Variants in FHAD1 observed in about 807,000 individuals in gnomAD.
The protein encoded by FHAD1 is forkhead-associated domain-containing protein 1.
A neutral mutation model predicts 191.3 loss-of-function variants in FHAD1; 146 were observed. The ratio of observed to expected loss-of-function variants is 0.76; its 90% CI spans 0.67 to 0.88. The LOEUF is 0.88. FHAD1 is among the 40% of genes least tolerant of loss of function. The pLI is 0.00. For missense variants in FHAD1, 1,635 were observed against 1,785.8 expected (o/e 0.92, Z 1.52); for synonymous variants, 616 against 672.3 (o/e 0.92, Z 1.29).
rs917795610 is a variant in FHAD1, at chr1:15,276,744, A to G, written c.300+4215A>G. 3.3e-5 allele frequency among the ~76,000 whole-genome samples: 5 copies of G among 152,002 alleles called. No individual in the cohort carries two copies. Among genetic ancestry groups the G allele is most frequent in the African/African-American group, 1.2e-4 (5 of 41,368 alleles). Reference sequence around the variant, plus strand: ...TTGAACCCGGGAGGCAGAGGTTGCAATGAGCGAAGATCATGCCACAGCCTG... The same window carrying G: ...TTGAACCCGGGAGGCAGAGGTTGCAGTGAGCGAAGATCATGCCACAGCCTG... On this transcript the variant is annotated intron_variant, in intron 3 of 33. Transcript: ENST00000688493. This position sits in a 1 kb window ranked among gnomAD's most constrained non-coding sequence, Gnocchi z 4.7.
At position 15,324,445 on chromosome 1, in the gene FHAD1, A is replaced by C; in HGVS notation, c.1366-7A>C. On this transcript the variant is annotated splice_region_variant and splice_polypyrimidine_tract_variant and intron_variant, in intron 10 of 33. Coordinates refer to ENST00000688493, the MANE Select transcript of FHAD1 (RefSeq NM_001391957.1). The stretch of plus-strand genomic sequence containing the variant: ...GCAGCAAGTACTCGCTTTCATCGTC[A>C]TTTCAGGTTGAAGAGAAGCTTCAGG... 1 of 1,547,194 alleles carries C rather than the reference A, an allele frequency of 6.5e-7. No homozygotes were observed. The highest frequency in any genetic ancestry group is 8.8e-7 in the Non-Finnish European group (1 of 1,142,460).
Position 15,331,557 on chromosome 1 carries a change from T to TGGGTGGATGGATGGGAGGAA in FHAD1, c.1906+2023_1906+2042dup, listed in dbSNP as rs1574435219. On this transcript the variant is annotated intron_variant, in intron 14 of 33. Coordinates refer to ENST00000688493, the MANE Select transcript of FHAD1 (RefSeq NM_001391957.1). ...AAGGATGGATGGAAGTGTGGGTGGG[T>TGGGTGGATGGATGGGAGGAA]GGGTGGATGGATGGGAGGAAGGGTG... Among the ~76,000 whole-genome samples the TGGGTGGATGGATGGGAGGAA allele has an allele frequency of 1.5e-4, 3 of 19,656 alleles. No individual in the cohort carries two copies. In the East Asian group the frequency reaches 5.0e-3, roughly 33 times the overall value. 12.9% of individuals were successfully genotyped at this position (19,656 alleles called of 152,430 possible).
At chr1:15,247,432 C>A (rs991713034) in intron 1 of FHAD1, 37 bp downstream of exon 1, 2 of 185,208 alleles carry the variant, frequency 1.1e-5, no homozygotes, top group South Asian at 6.1e-5. Context: ...GGGCCGAGAC[C>A]GGGGACCGGA....
intron 1 of FHAD1, among the ~76,000 whole-genome samples, chr1:15,248,284 C>T (rs2100708598): frequency 6.6e-6 from 1 of 152,274 alleles, no homozygotes; most frequent in Non-Finnish European, 1.5e-5. Context: ...GATTTTTACA[C>T]TACTTGCAAG....
intron 1 of FHAD1, among the ~76,000 whole-genome samples, chr1:15,237,605 T>TG (rs1305402968): frequency 6.6e-6 from 1 of 152,050 alleles, no homozygotes; most frequent in Non-Finnish European, 1.5e-5. Context: ...AACATTACTG[T>TG]CCCCCTTGTT....
intron 23 of FHAD1, among the ~76,000 whole-genome samples, chr1:15,363,574 G>A (rs1177045025): frequency 1.3e-5 from 2 of 152,180 alleles, no homozygotes; most frequent in Non-Finnish European, 2.9e-5. Context: ...TAGTTTTCCC[G>A]AGGATCAGCT....
intron 8 of FHAD1, chr1:15,314,412 T>C (rs780853047): frequency 2.6e-5 from 4 of 152,174 alleles, no homozygotes; most frequent in Non-Finnish European, 5.9e-5. Context: ...GCTTTTGTTA[T>C]AACTGATGTG....
chr1:15,344,264 G>A (rs994409076), intron 16 of FHAD1, among the ~76,000 whole-genome samples: 2 of 152,178 alleles, frequency 1.3e-5, no homozygotes, highest in Non-Finnish European at 2.9e-5. Flanking sequence ...TGCCCTTTCC[G>A]AAAATACATG....
chr1:15,304,953 C>T (rs982825259), intron 6 of FHAD1, among the ~76,000 whole-genome samples: 1 of 87,156 alleles, frequency 1.1e-5, no homozygotes, highest in Non-Finnish European at 3.0e-5. Flanking sequence ...TCTGCATTGT[C>T]GGGGTCCCCC....
At position 15,374,252 on chromosome 1, in the gene FHAD1, C is replaced by T. The variant is rs146695421; in HGVS notation, c.3448-250C>T. 3.7e-3 allele frequency among the ~76,000 whole-genome samples: 566 copies of T among 152,194 alleles called. 4 individuals are homozygous for T. The highest frequency in any genetic ancestry group is 0.013 in the African/African-American group (520 of 41,528). ...AACAGTATTAGAAGAAAAAATAAAA[C>T]GTGGAGAGGGAACGTGGAGGGGCTT... On this transcript the variant is annotated intron_variant, in intron 26 of 33. Coordinates refer to ENST00000688493, the MANE Select transcript of FHAD1 (RefSeq NM_001391957.1).
At chr1:15,271,674 A>G (rs553136004) in intron 2 of FHAD1, among the ~76,000 whole-genome samples, 1 of 152,108 alleles carries the variant, frequency 6.6e-6, no homozygotes, top group African/African-American at 2.4e-5. Context: ...TTATAAAACT[A>G]TGTATGTAGG....
rs976656704 is a variant in FHAD1, at chr1:15,301,423, C to T, written c.897C>T (p.Ile299=). 3 of 1,551,578 alleles carry T rather than the reference C, an allele frequency of 1.9e-6. No individual in the cohort carries two copies. The African/African-American group carries it at 4.1e-5, about 21-fold the overall frequency. The change falls in exon 6 of 34, where the codon ATC becomes ATT. Residue 299 remains isoleucine, a synonymous_variant. Coordinates refer to ENST00000688493, the MANE Select transcript of FHAD1 (RefSeq NM_001391957.1). ...ACATCGATGCCAAACAGAAAGAGAT[C>T]CAGAGCTTGAAAAGCCAGGTAGGCA... is the stretch of plus-strand genomic sequence containing the variant. ...DEDIDAKQKE[I]QSLKSQISAL...
intron 3 of FHAD1, among the ~76,000 whole-genome samples, chr1:15,283,102 G>A (rs746704284): frequency 2.0e-5 from 3 of 152,212 alleles, no homozygotes; most frequent in East Asian, 1.9e-4. Context: ...ACACAGAAAC[G>A]AAGGGGTGGT....
chr1:15,297,203 G>C (rs181163310), intron 5 of FHAD1, among the ~76,000 whole-genome samples: 1 of 152,324 alleles, frequency 6.6e-6, no homozygotes, highest in Admixed American at 6.5e-5. Context: ...GGAAGTGAGA[G>C]CTGAGGTCAG....
At chr1:15,273,907 A>C (rs12059413) in intron 3 of FHAD1, among the ~76,000 whole-genome samples, 88,976 of 151,752 alleles carry the variant, frequency 0.59, 26,502 homozygotes, top group East Asian at 0.89. Flanking sequence ...TTGCCCTCTC[A>C]CCCTAGCCTC....
Position 15,276,903 on chromosome 1 carries a change from A to G in FHAD1, c.300+4374A>G, listed in dbSNP as rs1175460841. Among the ~76,000 whole-genome samples the G allele has an allele frequency of 6.6e-6, 1 of 151,304 alleles. No individual in the cohort carries two copies. The highest frequency in any genetic ancestry group is 1.5e-5 in the Non-Finnish European group (1 of 67,798). ...TGGAGTTGTGCGAGGCATAACCTAC[A>G]GGGCCATTTGCGATGCCCTGAAGCA... On this transcript the variant is annotated intron_variant, in intron 3 of 33. Coordinates refer to ENST00000688493, the MANE Select transcript of FHAD1 (RefSeq NM_001391957.1). This position sits in a 1 kb window ranked among gnomAD's most constrained non-coding sequence, Gnocchi z 4.7.
In FHAD1 at chr1:15,355,785, G is replaced by A. The variant is rs550118311; in HGVS notation, c.2563-2325G>A. ...TTAAGACCCTGAAAAAGGATCAGACGGAGTTAAGCGGAGGTACACAGAGGA... is the reference window on the plus strand; with the variant it reads ...TTAAGACCCTGAAAAAGGATCAGACAGAGTTAAGCGGAGGTACACAGAGGA... On this transcript the variant is annotated intron_variant, in intron 20 of 33. Coordinates refer to ENST00000688493, the MANE Select transcript of FHAD1 (RefSeq NM_001391957.1). 1.5e-4 allele frequency among the ~76,000 whole-genome samples: 23 copies of A among 152,232 alleles called. 1 individual carries two copies. The South Asian group carries it at 2.9e-3, about 19-fold the overall frequency.
Position 15,381,824 on chromosome 1 carries a change from C to A in FHAD1, c.4023-204C>A, listed in dbSNP as rs1422486869. ...GAGGGGCTGGTAGCACATCCTTTAT[C>A]CCCTCCCGCTACACACATTCGGCTG... is the stretch of plus-strand genomic sequence containing the variant. On this transcript the variant is annotated intron_variant, in intron 30 of 33. Coordinates refer to ENST00000688493, the MANE Select transcript of FHAD1 (RefSeq NM_001391957.1). The surrounding 1 kb of genome is among the most constrained non-coding windows in gnomAD (Gnocchi z 4.6). 6.6e-6 allele frequency among the ~76,000 whole-genome samples: 1 copy of A among 151,824 alleles called. No individual in the cohort carries two copies. The highest frequency in any genetic ancestry group is 2.0e-4 in the East Asian group (1 of 5,122).
chr1:15,282,393 A>G (rs1401681554), intron 3 of FHAD1, among the ~76,000 whole-genome samples: 4 of 152,240 alleles, frequency 2.6e-5, no homozygotes, highest in Admixed American at 1.3e-4. Flanking sequence ...CAAATTTATC[A>G]TAAATTCCAT....
Sources: gnomAD v4.1 joint callset for allele counts (sites outside exome capture counted in the v4.1 genomes callset) on GRCh38, gnomAD v4.1.1 for gene constraint, Gnocchi (gnomAD v3.1) non-coding constraint, MANE v1.5 for transcripts, NCBI Gene and HGNC (gene_info 2026-07-23, HGNC 2026-07-21) for gene names.